TBC1D19: variants seen among roughly 807,000 people sequenced by gnomAD.
The protein encoded by TBC1D19 is TBC1 domain family, member 19.
Under a neutral mutation model 89.0 loss-of-function variants are expected in TBC1D19, and 60 were observed. That is an observed-to-expected ratio of 0.67 (90% CI 0.55 to 0.84). The LOEUF is 0.84. TBC1D19 is among the 40% of genes least tolerant of loss of function. TBC1D19 has a pLI of 0.00. For synonymous variants in TBC1D19, 189 were observed against 199.7 expected, an observed-to-expected ratio of 0.95 and a Z score of 0.45; for missense variants, 500 against 610.8, an observed-to-expected ratio of 0.82 and a Z score of 1.91.
chr4:26,844,917 G>A, the TBC1D19 span, among the ~76,000 whole-genome samples: 3 of 152,070 alleles, frequency 2.0e-5, no homozygotes, highest in Non-Finnish European at 4.4e-5. Flanking sequence ...AACAATGAGG[G>A]AATTCATTAT....
chr4:26,652,337 T>C (rs1744452556), intron 7 of TBC1D19, among the ~76,000 whole-genome samples: 1 of 152,216 alleles, frequency 6.6e-6, no homozygotes, highest in Non-Finnish European at 1.5e-5. Context: ...TGAATCCATC[T>C]GGTCCTGGAC....
In TBC1D19 at chr4:26,735,436, A is replaced by T. The variant is rs376320360; in HGVS notation, c.1085-19A>T. 4.2e-6 allele frequency: 6 copies of T among 1,419,202 alleles called. No individual in the cohort carries two copies. The Middle Eastern group carries it at 5.6e-4, about 133-fold the overall frequency. 87.9% of individuals were successfully genotyped at this position (1,419,202 alleles called of 1,614,324 possible). On this transcript the variant is annotated intron_variant, in intron 15 of 20. Transcript: ENST00000264866. ...GTAGGCCTACTACTTATTGAAAAGA[A>T]ATACCTTTTTTTTTTTAGGTGTTAT...
intron 8 of TBC1D19, among the ~76,000 whole-genome samples, chr4:26,662,347 A>G (rs566557537): frequency 3.0e-4 from 46 of 152,360 alleles, no homozygotes; most frequent in African/African-American, 9.6e-4. Context: ...ATGCCAAAAA[A>G]TACATATCAA....
Position 26,584,190 on chromosome 4 carries a change from G to A in TBC1D19, c.-4G>A. Reference sequence around the variant, plus strand: ...CCGCGGCTTGGCGGGCTAGGGCAGGGGAAATGTTGCAGGAGGAGTCGGACC... The same window carrying A: ...CCGCGGCTTGGCGGGCTAGGGCAGGAGAAATGTTGCAGGAGGAGTCGGACC... On this transcript the variant is annotated 5_prime_UTR_variant, in exon 1 of 21. Coordinates refer to ENST00000264866, the MANE Select transcript of TBC1D19 (RefSeq NM_018317.4). 6.2e-7 allele frequency: 1 copy of A among 1,608,618 alleles called. No homozygotes were observed. The highest frequency in any genetic ancestry group is 8.5e-7 in the Non-Finnish European group (1 of 1,178,284).
the TBC1D19 span, among the ~76,000 whole-genome samples, chr4:26,778,285 G>C: frequency 2.0e-5 from 3 of 151,972 alleles, no homozygotes; most frequent in Admixed American, 6.6e-5. Flanking sequence ...GCATGGTGGC[G>C]GGAGCCTGTA....
At chr4:26,761,759 T>C in the TBC1D19 span, among the ~76,000 whole-genome samples, 2 of 152,242 alleles carry the variant, frequency 1.3e-5, no homozygotes, top group Non-Finnish European at 2.9e-5. Context: ...AAAGGAAATG[T>C]ACTTATTTCT....
At chr4:26,626,843 ATTTTATTTTTTAT>A (rs1455317623) in intron 4 of TBC1D19, among the ~76,000 whole-genome samples, 4 of 145,416 alleles carry the variant, frequency 2.8e-5, no homozygotes, top group Admixed American at 2.1e-4. Flanking sequence ...ATTTTTATTT[ATTTTATTTTTTAT>A]TTTTATTTTT....
intron 14 of TBC1D19, among the ~76,000 whole-genome samples, chr4:26,719,492 T>G (rs1030338447): frequency 1.3e-5 from 2 of 152,104 alleles, no homozygotes; most frequent in Non-Finnish European, 2.9e-5. Context: ...TGGAAAAAAC[T>G]GAGAACTTTT....
intron 13 of TBC1D19, among the ~76,000 whole-genome samples, chr4:26,693,447 A>T (rs982240945): frequency 1.3e-5 from 2 of 152,124 alleles, no homozygotes; most frequent in Non-Finnish European, 2.9e-5. Flanking sequence ...TAATCATAGC[A>T]TTTTGGGAAG....
At chr4:26,735,027 T>C (rs1168796366) in intron 15 of TBC1D19, among the ~76,000 whole-genome samples, 1 of 136,438 alleles carries the variant, frequency 7.3e-6, no homozygotes, top group African/African-American at 2.6e-5. Context: ...TATACACATG[T>C]ATATATGTAT....
intron 1 of TBC1D19, among the ~76,000 whole-genome samples, chr4:26,611,430 A>T (rs143840043): frequency 6.6e-6 from 1 of 152,034 alleles, no homozygotes; most frequent in African/African-American, 2.4e-5. Context: ...TTGTAAACTC[A>T]TGGTATAGCT....
chr4:26,695,528 G>A (rs1176354441), intron 13 of TBC1D19, among the ~76,000 whole-genome samples: 4 of 152,074 alleles, frequency 2.6e-5, no homozygotes, highest in South Asian at 2.1e-4. Context: ...GATACACCTC[G>A]AGAAGAGCAA....
chr4:26,652,853 G>A (rs1349952155), intron 7 of TBC1D19, among the ~76,000 whole-genome samples: 1 of 152,020 alleles, frequency 6.6e-6, no homozygotes, highest in Admixed American at 6.6e-5. Context: ...AGGGTTTTTT[G>A]TGTCTCTATC....
chr4:26,801,361 G>A, the TBC1D19 span, among the ~76,000 whole-genome samples: 1 of 152,046 alleles, frequency 6.6e-6, no homozygotes, highest in African/African-American at 2.4e-5. Flanking sequence ...TGTTCCATTG[G>A]TCTATATCTC....
At chr4:26,618,878 G>C (rs926728678) in intron 3 of TBC1D19, among the ~76,000 whole-genome samples, 3 of 152,072 alleles carry the variant, frequency 2.0e-5, no homozygotes, top group Non-Finnish European at 4.4e-5. Context: ...AGGGAGACTT[G>C]GGGGACAAGA....
At chr4:26,752,965 G>A (rs1293987360) in intron 19 of TBC1D19, among the ~76,000 whole-genome samples, 1 of 152,008 alleles carries the variant, frequency 6.6e-6, no homozygotes, top group Non-Finnish European at 1.5e-5. Context: ...GGCCTCCAGT[G>A]TTGTTTTCTA....
At chr4:26,650,483 A>C (rs1403686906) in intron 7 of TBC1D19, among the ~76,000 whole-genome samples, 1 of 152,070 alleles carries the variant, frequency 6.6e-6, no homozygotes, top group Non-Finnish European at 1.5e-5. Context: ...GCATTTTTTC[A>C]CGTGTCTTTT....
chr4:26,696,264 G>T (rs1714770754), intron 13 of TBC1D19, among the ~76,000 whole-genome samples: 1 of 152,126 alleles, frequency 6.6e-6, no homozygotes, highest in Non-Finnish European at 1.5e-5. Context: ...GACAAAGAAG[G>T]CCATTACATA....
chr4:26,604,065 G>GT (rs965800444), intron 1 of TBC1D19, among the ~76,000 whole-genome samples: 3 of 149,008 alleles, frequency 2.0e-5, no homozygotes, highest in East Asian at 3.9e-4. Flanking sequence ...TATGGTATCT[G>GT]TTTTTTTGGA....
Sources: allele counts gnomAD v4.1 joint callset (sites outside exome capture counted in the v4.1 genomes callset), GRCh38; gene constraint gnomAD v4.1.1; transcripts MANE v1.5; gene names NCBI Gene and HGNC (gene_info 2026-07-23, HGNC 2026-07-21).